Variants in PIEZO2 observed in about 807,000 individuals in gnomAD.
PIEZO2 encodes the protein piezo-type mechanosensitive ion channel component 2.
A neutral mutation model predicts 337.3 loss-of-function variants in PIEZO2; 172 were observed. The observed-to-expected ratio is 0.51, with a 90% CI of 0.45 to 0.58. The LOEUF is 0.58. Among genes scored for constraint, PIEZO2 ranks in the 20% least tolerant of loss-of-function variants. The probability of loss-of-function intolerance (pLI) is 0.00; values close to 1 mark genes in which losing one functional copy is unlikely to be tolerated. For missense variants in PIEZO2, 3,028 were observed against 3,391.3 expected (o/e 0.89, Z 2.66); for synonymous variants, 1,251 against 1,228.5 (o/e 1.02, Z -0.38).
At chr18:10,725,243 C>T in intron 36 of PIEZO2, 1 of 1,567,208 alleles carries the variant, frequency 6.4e-7, no homozygotes, top group Non-Finnish European at 8.8e-7. Context: ...CACTTTGAGG[C>T]TGCCACCGGC....
At position 10,795,672 on chromosome 18, in the gene PIEZO2, T is replaced by G. The variant is rs558531002; in HGVS notation, c.1528-670A>C. Among the ~76,000 whole-genome samples, 3 of 152,132 alleles carry G rather than the reference T, an allele frequency of 2.0e-5. No homozygotes were observed. Among genetic ancestry groups the G allele is most frequent in the Non-Finnish European group, 4.4e-5 (3 of 68,024 alleles). On this transcript the variant is annotated intron_variant, in intron 12 of 55. Transcript: ENST00000674853. This position sits in a 1 kb window ranked among gnomAD's most constrained non-coding sequence, Gnocchi z 4.4. ...TCTCACATGTGGCTGTGTTCCTTAC[T>G]GGAAACTGAAGTTGAGCATACACAG...
chr18:11,074,460 G>A (rs1230943187), intron 1 of PIEZO2, among the ~76,000 whole-genome samples: 1 of 152,124 alleles, frequency 6.6e-6, no homozygotes, highest in East Asian at 1.9e-4. Flanking sequence ...TTATACAACA[G>A]CTGACAGTAA....
chr18:11,134,532 C>T (rs1197601829), intron 1 of PIEZO2, among the ~76,000 whole-genome samples: 1 of 152,140 alleles, frequency 6.6e-6, no homozygotes, highest in African/African-American at 2.4e-5. Context: ...TCCCAAAATA[C>T]ACTCTTTTTA....
chr18:10,855,674 G>A lies in PIEZO2; in HGVS notation c.704-108C>T. The A allele has an allele frequency of 1.1e-6, 1 of 904,286 alleles. No individual in the cohort carries two copies. Among genetic ancestry groups the A allele is most frequent in the Non-Finnish European group, 1.6e-6 (1 of 625,136 alleles). 56.0% of individuals were successfully genotyped at this position (904,286 alleles called of 1,614,324 possible). On this transcript the variant is annotated intron_variant, in intron 6 of 55. Transcript: ENST00000674853. This position sits in a 1 kb window ranked among gnomAD's most constrained non-coding sequence, Gnocchi z 4.9. ...TGTGAATTTCCTTCAAGTGTTTTTAGGTTTTTTAAAATAGTAATTTTTAAA... is the reference window on the plus strand; with the variant it reads ...TGTGAATTTCCTTCAAGTGTTTTTAAGTTTTTTAAAATAGTAATTTTTAAA...
At chr18:11,067,501 T>C (rs190420384) in intron 1 of PIEZO2, among the ~76,000 whole-genome samples, 1 of 152,242 alleles carries the variant, frequency 6.6e-6, no homozygotes, top group East Asian at 1.9e-4. Context: ...AGAAACTCAC[T>C]TCACATTTAA....
At chr18:11,073,776 A>T (rs11080485) in intron 1 of PIEZO2, among the ~76,000 whole-genome samples, 1 of 151,398 alleles carries the variant, frequency 6.6e-6, no homozygotes, top group Admixed American at 6.6e-5. Flanking sequence ...CCATCTAGGG[A>T]AAAATATGCC....
chr18:10,782,441 T>C (rs1396320485), intron 17 of PIEZO2, among the ~76,000 whole-genome samples: 1 of 80,434 alleles, frequency 1.2e-5, no homozygotes, highest in East Asian at 3.4e-4. Context: ...AATTATATAA[T>C]ATATTATATA....
Position 10,760,769 on chromosome 18 carries a change from T to C in PIEZO2, c.3450+142A>G, listed in dbSNP as rs147858432. ...TTCAGTCAAGCCAGTTAACCATCAGTACAAATACTTTCTGTTCTTCTCAAG... is the reference window on the plus strand; with the variant it reads ...TTCAGTCAAGCCAGTTAACCATCAGCACAAATACTTTCTGTTCTTCTCAAG... On this transcript the variant is annotated intron_variant, in intron 24 of 55. Coordinates refer to ENST00000674853, the MANE Select transcript of PIEZO2 (RefSeq NM_001378183.1). The C allele has an allele frequency of 2.3e-4, 168 of 746,660 alleles. 1 individual carries two copies. In the East Asian group the frequency reaches 3.6e-3, roughly 16 times the overall value. 46.3% of individuals were successfully genotyped at this position (746,660 alleles called of 1,614,324 possible).
At chr18:11,058,676 TGATGGAA>T in intron 2 of PIEZO2, among the ~76,000 whole-genome samples, 1 of 151,864 alleles carries the variant, frequency 6.6e-6, no homozygotes, top group Non-Finnish European at 1.5e-5. Flanking sequence ...AGGGTATCGG[TGATGGAA>T]GATGAAATGA....
At chr18:11,058,616 T>C (rs2037816739) in intron 2 of PIEZO2, among the ~76,000 whole-genome samples, 1 of 152,170 alleles carries the variant, frequency 6.6e-6, no homozygotes, top group Non-Finnish European at 1.5e-5. Flanking sequence ...GCAGGAGAAC[T>C]ATGTGATGAA....
intron 13 of PIEZO2, among the ~76,000 whole-genome samples, chr18:10,793,781 A>G: frequency 6.6e-6 from 1 of 152,176 alleles, no homozygotes; most frequent in Non-Finnish European, 1.5e-5. Flanking sequence ...TGAATGAATC[A>G]ATGAATGACA....
chr18:10,892,434 G>C (rs533713188), intron 4 of PIEZO2, among the ~76,000 whole-genome samples: 2 of 152,268 alleles, frequency 1.3e-5, no homozygotes, highest in Admixed American at 6.5e-5. Flanking sequence ...GGTAAAGCCA[G>C]AGAAAGAAAA....
rs1436952033 is a variant in PIEZO2 at position 11,094,217 on chromosome 18, T to A, written c.65-27995A>T. Among the ~76,000 whole-genome samples, 1 of 152,166 alleles carries A rather than the reference T, an allele frequency of 6.6e-6. No homozygotes were observed. The highest frequency in any genetic ancestry group is 1.9e-4 in the East Asian group (1 of 5,190). On this transcript the variant is annotated intron_variant, in intron 1 of 55. Transcript: ENST00000674853. The surrounding 1 kb of genome is among the most constrained non-coding windows in gnomAD (Gnocchi z 4.4). ...TCTTCTCTCTACTGTGATAATTTGA[T>A]TAGCTCCTTTATGTTCCAGCTTGAA... is the stretch of plus-strand genomic sequence containing the variant.
intron 33 of PIEZO2, among the ~76,000 whole-genome samples, chr18:10,737,473 G>A (rs2037054969): frequency 6.6e-6 from 1 of 152,098 alleles, no homozygotes; most frequent in Non-Finnish European, 1.5e-5. Context: ...GGGTCCATAG[G>A]GTTTACAACT....
chr18:10,678,303 T>G (rs972768220), intron 52 of PIEZO2, among the ~76,000 whole-genome samples: 1 of 152,226 alleles, frequency 6.6e-6, no homozygotes, highest in African/African-American at 2.4e-5. Context: ...TGTTGTTGTT[T>G]TTAGTAGCTC....
At chr18:10,776,790 G>A (rs2038804335) in intron 18 of PIEZO2, among the ~76,000 whole-genome samples, 1 of 151,904 alleles carries the variant, frequency 6.6e-6, no homozygotes, top group Non-Finnish European at 1.5e-5. Flanking sequence ...GAAAGCCTGT[G>A]TATTTTAATT....
intron 1 of PIEZO2, among the ~76,000 whole-genome samples, chr18:11,074,908 T>C (rs1016956626): frequency 2.0e-5 from 3 of 152,226 alleles, no homozygotes; most frequent in African/African-American, 7.2e-5. Flanking sequence ...TAAAGGTAAG[T>C]GCTCTCAGAG....
At chr18:10,835,740 C>T (rs1407820725) in intron 7 of PIEZO2, among the ~76,000 whole-genome samples, 4 of 152,196 alleles carry the variant, frequency 2.6e-5, no homozygotes, top group African/African-American at 4.8e-5. Context: ...GATGGGATTT[C>T]GCCATGTTGG....
chr18:10,759,982 G>A lies in PIEZO2; in HGVS notation c.3451-73C>T. On this transcript the variant is annotated intron_variant, in intron 24 of 55. Coordinates refer to ENST00000674853, the MANE Select transcript of PIEZO2 (RefSeq NM_001378183.1). This position sits in a 1 kb window ranked among gnomAD's most constrained non-coding sequence, Gnocchi z 5.5. ...AAAGGGGACTGGTGATAGGTGTCAGGTCTGTGTAGATGGCGGAGACCCATG... is the reference window on the plus strand; with the variant it reads ...AAAGGGGACTGGTGATAGGTGTCAGATCTGTGTAGATGGCGGAGACCCATG... The A allele has an allele frequency of 4.4e-6, 6 of 1,360,508 alleles. No individual in the cohort carries two copies. Among genetic ancestry groups the A allele is most frequent in the Non-Finnish European group, 5.0e-6 (5 of 991,316 alleles). 84.3% of individuals were successfully genotyped at this position (1,360,508 alleles called of 1,614,324 possible).
Sources: allele counts gnomAD v4.1 joint callset (sites outside exome capture counted in the v4.1 genomes callset), GRCh38; gene constraint gnomAD v4.1.1; non-coding constraint Gnocchi (gnomAD v3.1); transcripts MANE v1.5; gene names NCBI Gene and HGNC (gene_info 2026-07-23, HGNC 2026-07-21).